IMMP2L: variants seen among roughly 807,000 people sequenced by gnomAD.
IMMP2L encodes inner mitochondrial membrane peptidase subunit 2.
Under a neutral mutation model 19.3 loss-of-function variants are expected in IMMP2L, and 18 were observed. The observed-to-expected ratio is 0.93, with a 90% CI of 0.64 to 1.38. IMMP2L has a LOEUF of 1.38. IMMP2L is among the 40% of genes most tolerant of loss of function. IMMP2L has a pLI of 0.00. For synonymous variants in IMMP2L, 76 were observed against 73.0 expected, an observed-to-expected ratio of 1.04 and a Z score of -0.21; for missense variants, 233 against 218.2, an observed-to-expected ratio of 1.07 and a Z score of -0.43.
intron 3 of IMMP2L, among the ~76,000 whole-genome samples, chr7:111,368,234 G>T (rs965487404): frequency 6.6e-6 from 1 of 151,858 alleles, no homozygotes; most frequent in Admixed American, 6.6e-5. Flanking sequence ...CCCTTTTCCT[G>T]ACATCACCCC....
intron 5 of IMMP2L, among the ~76,000 whole-genome samples, chr7:110,781,318 C>G (rs1237789641): frequency 1.3e-5 from 2 of 151,820 alleles, no homozygotes; most frequent in Admixed American, 1.3e-4. Context: ...AAATTCCCAG[C>G]ATAGTGTGAC....
chr7:111,009,686 A>G (rs1824719291), intron 3 of IMMP2L, among the ~76,000 whole-genome samples: 2 of 152,126 alleles, frequency 1.3e-5, no homozygotes, highest in African/African-American at 2.4e-5. Context: ...CTTCAACAAA[A>G]TGGATAAAAA....
intron 3 of IMMP2L, among the ~76,000 whole-genome samples, chr7:111,027,067 C>G (rs1270341505): frequency 2.0e-5 from 3 of 152,136 alleles, no homozygotes; most frequent in Non-Finnish European, 4.4e-5. Flanking sequence ...AGTGTAACTT[C>G]ATTAGCAGTC....
intron 3 of IMMP2L, among the ~76,000 whole-genome samples, chr7:111,056,288 A>T (rs986355236): frequency 6.6e-6 from 1 of 152,218 alleles, no homozygotes; most frequent in African/African-American, 2.4e-5. Context: ...ACCATATAGC[A>T]GAACATGGCA....
At chr7:111,372,697 A>G (rs1830360741) in intron 3 of IMMP2L, among the ~76,000 whole-genome samples, 1 of 152,010 alleles carries the variant, frequency 6.6e-6, no homozygotes. Flanking sequence ...GCAGATAAGA[A>G]AGGGTATTTA....
chr7:110,795,991 T>C (rs1244415619), intron 5 of IMMP2L, among the ~76,000 whole-genome samples: 1 of 152,032 alleles, frequency 6.6e-6, no homozygotes, highest in South Asian at 2.1e-4. Context: ...TGGAAGGTAA[T>C]TGAATCATCA....
At chr7:111,040,976 A>G (rs2129570876) in intron 3 of IMMP2L, among the ~76,000 whole-genome samples, 1 of 152,094 alleles carries the variant, frequency 6.6e-6, no homozygotes, top group Middle Eastern at 3.4e-3. Flanking sequence ...TGTACTGAGG[A>G]AAAATACTCA....
chr7:110,993,543 C>T lies in IMMP2L; in HGVS notation c.240-29978G>A, dbSNP rs146548828. ...AACAGAAGTCCTCCCCAAAGCCAAT[C>T]CTTCTCTCTCTTTGCTATGACATTC... On this transcript the variant is annotated intron_variant, in intron 3 of 5. Coordinates refer to ENST00000405709, the MANE Select transcript of IMMP2L (RefSeq NM_032549.4). Among the ~76,000 whole-genome samples, 655 of 152,028 alleles carry T rather than the reference C, an allele frequency of 4.3e-3. 4 individuals carry two copies. The highest frequency in any genetic ancestry group is 7.1e-3 in the Non-Finnish European group (480 of 67,952).
chr7:110,673,268 G>C (rs1792049876), intron 5 of IMMP2L, among the ~76,000 whole-genome samples: 1 of 152,212 alleles, frequency 6.6e-6, no homozygotes, highest in African/African-American at 2.4e-5. Context: ...AGCCATGGCT[G>C]AATCCAAAGC....
At chr7:111,077,276 A>C (rs1232010701) in intron 3 of IMMP2L, among the ~76,000 whole-genome samples, 1 of 152,236 alleles carries the variant, frequency 6.6e-6, no homozygotes, top group African/African-American at 2.4e-5. Flanking sequence ...TTTGTTTTAC[A>C]TGGTTAAGCA....
chr7:111,194,069 G>A (rs1019026303), intron 3 of IMMP2L, among the ~76,000 whole-genome samples: 6 of 152,110 alleles, frequency 3.9e-5, no homozygotes, highest in African/African-American at 1.5e-4. Context: ...GTGATACCAT[G>A]GCCTGGTCAT....
rs763570048 is a variant in IMMP2L at position 111,221,507 on chromosome 7, G to GA, written c.240-257943dup. On this transcript the variant is annotated intron_variant, in intron 3 of 5. Transcript: ENST00000405709. The stretch of plus-strand genomic sequence containing the variant: ...GCATTTCAATACTGAAACAGAGAGA[G>GA]AGAGAGCAAGAGAGAGAGAGATAAC... Among the ~76,000 whole-genome samples the GA allele has an allele frequency of 4.6e-5, 7 of 151,666 alleles. No individual in the cohort carries two copies. In the East Asian group the frequency reaches 1.4e-3, roughly 29 times the overall value.
chr7:111,424,225 G>T (rs555067927), intron 3 of IMMP2L, among the ~76,000 whole-genome samples: 1 of 151,876 alleles, frequency 6.6e-6, no homozygotes, highest in Non-Finnish European at 1.5e-5. Flanking sequence ...ACTCATCACA[G>T]TATCTCCACC....
At chr7:111,523,457 C>T (rs1187145985) in intron 1 of IMMP2L, among the ~76,000 whole-genome samples, 4 of 151,956 alleles carry the variant, frequency 2.6e-5, no homozygotes, top group African/African-American at 4.8e-5. Context: ...TAATTCCCTC[C>T]CAAATCTTTA....
At chr7:111,217,128 A>T (rs866514933) in intron 3 of IMMP2L, among the ~76,000 whole-genome samples, 128 of 137,986 alleles carry the variant, frequency 9.3e-4, no homozygotes, top group Middle Eastern at 3.6e-3. Context: ...TCTCTCTCTC[A>T]CACACACACA....
chr7:111,285,267 G>A (rs1043059407), intron 3 of IMMP2L, among the ~76,000 whole-genome samples: 9 of 152,098 alleles, frequency 5.9e-5, no homozygotes, highest in African/African-American at 1.9e-4. Context: ...CCTCAAAATC[G>A]TATGATCATC....
intron 5 of IMMP2L, among the ~76,000 whole-genome samples, chr7:110,834,762 A>G (rs539818569): frequency 6.6e-6 from 1 of 152,312 alleles, no homozygotes; most frequent in South Asian, 2.1e-4. Flanking sequence ...CTTTTCTACA[A>G]AGAGAATTGT....
chr7:111,149,724 C>T (rs746293426), intron 3 of IMMP2L, among the ~76,000 whole-genome samples: 1 of 152,094 alleles, frequency 6.6e-6, no homozygotes, highest in African/African-American at 2.4e-5. Flanking sequence ...CAAGTATCAA[C>T]TGTTTATTTA....
chr7:110,761,902 G>A (rs1204511748), intron 5 of IMMP2L, among the ~76,000 whole-genome samples: 1 of 152,050 alleles, frequency 6.6e-6, no homozygotes, highest in African/African-American at 2.4e-5. Flanking sequence ...TACCTTAAAT[G>A]TTCTGTTTGT....
Sources: gnomAD v4.1 joint callset for allele counts (sites outside exome capture counted in the v4.1 genomes callset) on GRCh38, gnomAD v4.1.1 for gene constraint, MANE v1.5 for transcripts, NCBI Gene and HGNC (gene_info 2026-07-23, HGNC 2026-07-21) for gene names.